SV2C: variants seen among roughly 807,000 people sequenced by gnomAD.
SV2C encodes synaptic vesicle glycoprotein 2C.
SV2C carries 49 observed loss-of-function variants against 79.7 expected under a neutral mutation model. The observed-to-expected ratio is 0.61, with a 90% CI of 0.49 to 0.78. SV2C has a LOEUF of 0.78. SV2C is among the 30% of genes least tolerant of loss of function. The pLI, the probability that SV2C is intolerant of heterozygous loss-of-function variation, is 0.00. For missense variants in SV2C, 833 were observed against 912.9 expected (o/e 0.91, Z 1.13); for synonymous variants, 334 against 333.2 (o/e 1.00, Z -0.03).
At chr5:75,908,189 TCCC>T in the SV2C span, among the ~76,000 whole-genome samples, 1 of 152,222 alleles carries the variant, frequency 6.6e-6, no homozygotes, top group Non-Finnish European at 1.5e-5. Context: ...GCTCTTGTTT[TCCC>T]CCAACTCCCC....
intron 1 of SV2C, among the ~76,000 whole-genome samples, chr5:76,101,368 T>C (rs1747736902): frequency 6.6e-6 from 1 of 152,162 alleles, no homozygotes; most frequent in Non-Finnish European, 1.5e-5. Flanking sequence ...AAATACCAGT[T>C]AGGAGTGGCC....
At chr5:76,176,986 G>A (rs1196803658) in intron 2 of SV2C, among the ~76,000 whole-genome samples, 1 of 151,654 alleles carries the variant, frequency 6.6e-6, no homozygotes, top group East Asian at 1.9e-4. Flanking sequence ...ACGGTGGCGG[G>A]CGTCTGTAGT....
intron 12 of SV2C, among the ~76,000 whole-genome samples, chr5:76,308,352 T>C (rs1748282937): frequency 1.3e-5 from 2 of 152,148 alleles, no homozygotes. Flanking sequence ...AGGAGCTCAT[T>C]ACCACCCAGC....
the SV2C span, among the ~76,000 whole-genome samples, chr5:76,046,131 G>T: frequency 6.6e-6 from 1 of 152,104 alleles, no homozygotes; most frequent in Non-Finnish European, 1.5e-5. Context: ...GGGTGAGGGG[G>T]AAGGAAGTGT....
At chr5:76,353,115 ATT>A (rs66963762) in intron 12 of SV2C, 41 of 369,356 alleles carry the variant, frequency 1.1e-4, no homozygotes, top group African/African-American at 1.5e-4. Context: ...TAATTTTTTA[ATT>A]TTTTTTTTGT....
rs746593541 is a variant in SV2C, at chr5:76,132,095, T to C, written c.345T>C (p.Asp115=). The C allele has an allele frequency of 4.3e-6, 7 of 1,613,514 alleles. No individual in the cohort carries two copies. The Admixed American group carries it at 1.2e-4, about 27-fold the overall frequency. The change falls in exon 2 of 13, where the codon GAT becomes GAC. Residue 115 remains aspartate (D), a synonymous_variant. Transcript: ENST00000502798. ...TGTCAGTGGGGCAGCCCAAGGGCGA[T>C]GAGTACAAGGACCGGCGGGAGCTGG... The part of the protein sequence containing the change: ...SIVSVGQPKG[D]EYKDRRELES...
At chr5:75,963,905 G>A in the SV2C span, among the ~76,000 whole-genome samples, 18 of 151,962 alleles carry the variant, frequency 1.2e-4, no homozygotes, top group East Asian at 2.7e-3. Context: ...ATGGCTTCAT[G>A]TTCCGGTTCT....
At chr5:76,296,422 A>G (rs1747766283) in intron 9 of SV2C, among the ~76,000 whole-genome samples, 1 of 152,198 alleles carries the variant, frequency 6.6e-6, no homozygotes, top group Middle Eastern at 3.2e-3. Context: ...CATCAGGAAG[A>G]GTTTCAATTA....
the SV2C span, among the ~76,000 whole-genome samples, chr5:76,030,280 TTTTTTTTTTTTTA>T: frequency 6.2e-4 from 71 of 115,104 alleles, 2 homozygotes; most frequent in Non-Finnish European, 1.1e-3. Flanking sequence ...TTTTTTTTTT[TTTTTTTTTTTTTA>T]TTTATTCCTG....
the SV2C span, among the ~76,000 whole-genome samples, chr5:75,922,100 G>A: frequency 2.5e-4 from 38 of 152,150 alleles, no homozygotes; most frequent in Non-Finnish European, 4.1e-4. Flanking sequence ...TTAAAAATAT[G>A]TATAGTTTAC....
intron 4 of SV2C, among the ~76,000 whole-genome samples, chr5:76,266,348 C>T (rs572052516): frequency 6.6e-6 from 1 of 152,272 alleles, no homozygotes; most frequent in Non-Finnish European, 1.5e-5. Context: ...GCTGGGACTA[C>T]AAGCACGTGC....
At chr5:76,034,904 T>C in the SV2C span, among the ~76,000 whole-genome samples, 1 of 152,206 alleles carries the variant, frequency 6.6e-6, no homozygotes, top group Non-Finnish European at 1.5e-5. Flanking sequence ...TGGTAAGCTA[T>C]TGATTATTGC....
chr5:76,024,398 C>A, the SV2C span, among the ~76,000 whole-genome samples: 8 of 152,224 alleles, frequency 5.3e-5, no homozygotes, highest in South Asian at 1.2e-3. Flanking sequence ...TTTTCCTGAC[C>A]GTTTGTGAAC....
chr5:76,335,236 C>G (rs1161392141), downstream of SV2C, among the ~76,000 whole-genome samples: 1 of 152,128 alleles, frequency 6.6e-6, no homozygotes, highest in Non-Finnish European at 1.5e-5. Context: ...CCAGCTCTCA[C>G]TTCTTCCAGG....
intron 4 of SV2C, among the ~76,000 whole-genome samples, chr5:76,235,703 C>T (rs1254793663): frequency 2.5e-5 from 3 of 122,276 alleles, no homozygotes; most frequent in African/African-American, 1.9e-4. Flanking sequence ...GATTTTTTTT[C>T]AAGCATAATA....
At chr5:76,045,153 C>T in the SV2C span, among the ~76,000 whole-genome samples, 40 of 152,228 alleles carry the variant, frequency 2.6e-4, 1 homozygote, top group Middle Eastern at 0.024. Context: ...TTCCCAGCAC[C>T]GTTTATTAAA....
the SV2C span, among the ~76,000 whole-genome samples, chr5:76,042,801 C>G: frequency 6.6e-6 from 1 of 152,204 alleles, no homozygotes; most frequent in African/African-American, 2.4e-5. Context: ...TTCCAAAGAG[C>G]CAATGGCTGT....
intron 1 of SV2C, among the ~76,000 whole-genome samples, chr5:76,116,758 G>A (rs561110541): frequency 6.6e-6 from 1 of 152,194 alleles, no homozygotes. Flanking sequence ...GCATACGACA[G>A]TGTTGTAGCT....
intron 2 of SV2C, among the ~76,000 whole-genome samples, chr5:76,158,613 T>C (rs924147314): frequency 2.0e-5 from 3 of 151,930 alleles, no homozygotes; most frequent in Non-Finnish European, 4.4e-5. Context: ...AAGACTTCAA[T>C]ACCCAATTTT....
Sources: gnomAD v4.1 joint callset for allele counts (sites outside exome capture counted in the v4.1 genomes callset) on GRCh38, gnomAD v4.1.1 for gene constraint, MANE v1.5 for transcripts, NCBI Gene and HGNC (gene_info 2026-07-23, HGNC 2026-07-21) for gene names.